Variants in BMPER observed in about 807,000 individuals in gnomAD.
The protein encoded by BMPER is BMP binding endothelial regulator.
Under a neutral mutation model 87.3 loss-of-function variants are expected in BMPER, and 45 were observed. That is an observed-to-expected ratio of 0.52 (90% CI 0.41 to 0.66). The LOEUF (loss-of-function observed/expected upper bound fraction) is 0.66, where lower values mean the gene tolerates loss of function less well. BMPER is among the 30% of genes least tolerant of loss of function. The probability of loss-of-function intolerance (pLI) is 0.00; values close to 1 mark genes in which losing one functional copy is unlikely to be tolerated. For synonymous variants in BMPER, 326 were observed against 316.2 expected, an observed-to-expected ratio of 1.03 and a Z score of -0.33; for missense variants, 784 against 867.5, an observed-to-expected ratio of 0.90 and a Z score of 1.21.
At chr7:33,995,025 A>T (rs889674410) in intron 6 of BMPER, among the ~76,000 whole-genome samples, 1 of 152,208 alleles carries the variant, frequency 6.6e-6, no homozygotes, top group Admixed American at 6.5e-5. Context: ...TGTACATCTT[A>T]AAATTTACTT....
chr7:33,943,762 C>T (rs1372413060), intron 3 of BMPER, among the ~76,000 whole-genome samples: 1 of 152,174 alleles, frequency 6.6e-6, no homozygotes, highest in Non-Finnish European at 1.5e-5. Context: ...TTTGCCTTCC[C>T]TCATTTCCAT....
chr7:33,958,857 A>G (rs1785205745), intron 3 of BMPER, among the ~76,000 whole-genome samples: 1 of 151,930 alleles, frequency 6.6e-6, no homozygotes. Context: ...CCCAAATCTC[A>G]CTTTGAATTG....
intron 13 of BMPER, among the ~76,000 whole-genome samples, chr7:34,138,537 T>G (rs1205303555): frequency 1.3e-5 from 2 of 151,948 alleles, no homozygotes; most frequent in African/African-American, 2.4e-5. Context: ...AGAACAAGAG[T>G]CCTACCTGAA....
At chr7:33,982,722 T>C (rs1029075968) in intron 6 of BMPER, among the ~76,000 whole-genome samples, 2 of 152,216 alleles carry the variant, frequency 1.3e-5, no homozygotes, top group Non-Finnish European at 2.9e-5. Context: ...TGTCATTAGA[T>C]TGAATCCATA....
At chr7:34,108,167 A>G (rs1432801593) in intron 13 of BMPER, among the ~76,000 whole-genome samples, 1 of 152,220 alleles carries the variant, frequency 6.6e-6, no homozygotes, top group Non-Finnish European at 1.5e-5. Context: ...CCATAAGTCC[A>G]ATTATTAACG....
intron 13 of BMPER, among the ~76,000 whole-genome samples, chr7:34,123,670 A>G (rs749669616): frequency 2.0e-5 from 3 of 152,242 alleles, no homozygotes; most frequent in Non-Finnish European, 4.4e-5. Flanking sequence ...AGCCAAATTC[A>G]TGGATGATTG....
At chr7:34,115,491 C>T (rs1174894718) in intron 13 of BMPER, among the ~76,000 whole-genome samples, 1 of 152,192 alleles carries the variant, frequency 6.6e-6, no homozygotes, top group African/African-American at 2.4e-5. Flanking sequence ...TTAGTAATCA[C>T]TCTCCTTTTC....
intron 13 of BMPER, among the ~76,000 whole-genome samples, 186 bp downstream of exon 13, chr7:34,086,278 A>G (rs1289248315): frequency 6.6e-6 from 1 of 152,202 alleles, no homozygotes; most frequent in South Asian, 2.1e-4. Context: ...AAATTGGGAA[A>G]TTCAAAGAAG....
chr7:33,938,678 TG>T (rs764126439), intron 3 of BMPER, among the ~76,000 whole-genome samples: 4 of 152,140 alleles, frequency 2.6e-5, no homozygotes, highest in Non-Finnish European at 5.9e-5. Flanking sequence ...CACATTTCCA[TG>T]TGAGTAGGGG....
intron 6 of BMPER, among the ~76,000 whole-genome samples, chr7:34,000,588 C>G (rs927915213): frequency 6.6e-6 from 1 of 152,094 alleles, no homozygotes; most frequent in East Asian, 1.9e-4. Context: ...TCCTCTCTTT[C>G]TGTCTCTCTC....
intron 11 of BMPER, among the ~76,000 whole-genome samples, chr7:34,067,035 C>T (rs922167698): frequency 3.3e-5 from 5 of 152,180 alleles, no homozygotes; most frequent in African/African-American, 9.7e-5. Context: ...CACAAGTTCA[C>T]GATTACATAA....
At chr7:33,974,934 C>T in intron 6 of BMPER, 150 bp downstream of exon 6, 1 of 802,100 alleles carries the variant, frequency 1.2e-6, no homozygotes, top group African/African-American at 1.7e-5. Context: ...GGGAAAAGCT[C>T]ATCCACCTGG....
chr7:34,011,594 A>G (rs1448439706), intron 6 of BMPER, among the ~76,000 whole-genome samples: 1 of 149,380 alleles, frequency 6.7e-6, no homozygotes, highest in African/African-American at 2.5e-5. Context: ...AAAAAAAAAA[A>G]AAAAAAAAAA....
chr7:34,104,570 T>G (rs1429661250), intron 13 of BMPER, among the ~76,000 whole-genome samples: 1 of 152,250 alleles, frequency 6.6e-6, no homozygotes, highest in Non-Finnish European at 1.5e-5. Flanking sequence ...GCAGCTTTAC[T>G]GAGCTCAGGG....
intron 3 of BMPER, among the ~76,000 whole-genome samples, chr7:33,962,985 A>G (rs1259088656): frequency 6.6e-6 from 1 of 152,240 alleles, no homozygotes; most frequent in Non-Finnish European, 1.5e-5. Flanking sequence ...AAAGGATATT[A>G]TGCTGAATTA....
At chr7:34,041,609 A>G (rs989705990) in intron 6 of BMPER, among the ~76,000 whole-genome samples, 3 of 152,162 alleles carry the variant, frequency 2.0e-5, no homozygotes, top group Admixed American at 6.5e-5. Context: ...CCAATTTGTA[A>G]TTCAGACTGG....
intron 12 of BMPER, among the ~76,000 whole-genome samples, chr7:34,082,705 C>T (rs1279795827): frequency 6.6e-6 from 1 of 152,150 alleles, no homozygotes; most frequent in African/African-American, 2.4e-5. Context: ...CACAGTCATT[C>T]ACTGTGAGTT....
At chr7:34,129,644 G>GAAAGAAAGAAAGAAAGAAAGAAAT (rs1790522718) in intron 13 of BMPER, among the ~76,000 whole-genome samples, 1 of 149,510 alleles carries the variant, frequency 6.7e-6, no homozygotes, top group Non-Finnish European at 1.5e-5. Flanking sequence ...AAGAAAGAAA[G>GAAAGAAAGAAAGAAAGAAAGAAAT]AAAGAAAGAA....
intron 13 of BMPER, among the ~76,000 whole-genome samples, chr7:34,141,838 G>C (rs558373727): frequency 6.6e-6 from 1 of 152,164 alleles, no homozygotes; most frequent in Admixed American, 6.5e-5. Flanking sequence ...AACTTTGTGG[G>C]TTCACTGTGG....
Sources: gnomAD v4.1 joint callset for allele counts (sites outside exome capture counted in the v4.1 genomes callset) on GRCh38, gnomAD v4.1.1 for gene constraint, MANE v1.5 for transcripts, NCBI Gene and HGNC (gene_info 2026-07-23, HGNC 2026-07-21) for gene names.